Variants in PTBP2 observed in about 807,000 individuals in gnomAD.
PTBP2 encodes polypyrimidine tract binding protein 2.
Under a neutral mutation model 61.4 loss-of-function variants are expected in PTBP2, and 13 were observed. That is an observed-to-expected ratio of 0.21 (90% CI 0.14 to 0.34). The LOEUF is 0.34. PTBP2 is among the 10% of genes least tolerant of loss of function. PTBP2 has a pLI of 1.00. For missense variants in PTBP2, 405 were observed against 642.6 expected (o/e 0.63, Z 4.00); for synonymous variants, 215 against 218.5 (o/e 0.98, Z 0.14).
At chr1:96,815,385 A>G (rs1201598348), downstream of PTBP2, 1 of 152,178 alleles carries the variant, frequency 6.6e-6, no homozygotes, top group African/African-American at 2.4e-5. Flanking sequence ...GCATATCAGC[A>G]TATCTGCTTT....
At chr1:96,734,809 C>T (rs1351691670) in intron 2 of PTBP2, among the ~76,000 whole-genome samples, 1 of 150,248 alleles carries the variant, frequency 6.7e-6, no homozygotes, top group Non-Finnish European at 1.5e-5. Flanking sequence ...TCTGACTTTT[C>T]GTGTATGTCA....
At chr1:96,804,668 T>G in intron 8 of PTBP2, 132 bp from the exon 9 acceptor site, 1 of 843,614 alleles carries the variant, frequency 1.2e-6, no homozygotes, top group Non-Finnish European at 1.8e-6. Flanking sequence ...CTATAAAAAT[T>G]AACTTTCAGG....
intron 2 of PTBP2, among the ~76,000 whole-genome samples, chr1:96,743,237 A>C (rs1184369480): frequency 2.0e-5 from 3 of 151,232 alleles, no homozygotes; most frequent in Admixed American, 1.3e-4. Flanking sequence ...CAGTGGCGCC[A>C]CTGGACTCCA....
At chr1:96,739,690 G>C (rs79554282) in intron 2 of PTBP2, among the ~76,000 whole-genome samples, 1 of 142,738 alleles carries the variant, frequency 7.0e-6, no homozygotes, top group Non-Finnish European at 1.5e-5. Flanking sequence ...GCAGTGGCGC[G>C]ATCTCTGCTC....
chr1:96,768,467 C>T (rs1471159783), intron 3 of PTBP2, among the ~76,000 whole-genome samples: 2 of 151,862 alleles, frequency 1.3e-5, no homozygotes, highest in Non-Finnish European at 2.9e-5. Flanking sequence ...AAGTTTTATA[C>T]AAAATGGAGT....
intron 2 of PTBP2, among the ~76,000 whole-genome samples, chr1:96,742,758 T>C (rs1022603792): frequency 4.0e-5 from 6 of 151,476 alleles, no homozygotes. Context: ...TGGTATATAA[T>C]ACACTTTTTT....
At chr1:96,729,971 G>C (rs1318799889) in intron 2 of PTBP2, among the ~76,000 whole-genome samples, 1 of 151,886 alleles carries the variant, frequency 6.6e-6, no homozygotes, top group Non-Finnish European at 1.5e-5. Context: ...CTTGTGATCT[G>C]CCCGCCCTGC....
intron 2 of PTBP2, among the ~76,000 whole-genome samples, chr1:96,724,821 C>T (rs918466345): frequency 2.0e-5 from 3 of 151,922 alleles, no homozygotes; most frequent in East Asian, 3.9e-4. Flanking sequence ...CAAACCTGCA[C>T]GTTGTACTCA....
chr1:96,804,956 C>T lies in PTBP2; in HGVS notation c.1044+17C>T, dbSNP rs778095983. 4 of 1,536,710 alleles carry T rather than the reference C, an allele frequency of 2.6e-6. No homozygotes were observed. Among genetic ancestry groups the T allele is most frequent in the Non-Finnish European group, 3.5e-6 (4 of 1,136,518 alleles). On this transcript the variant is annotated intron_variant, in intron 9 of 13. Transcript: ENST00000674951. ...AATGAAGAGGTTAGTAAAATAATCTCTAATGTTTATTCTTTAACTCCATTT... is the reference window on the plus strand; with the variant it reads ...AATGAAGAGGTTAGTAAAATAATCTTTAATGTTTATTCTTTAACTCCATTT...
intron 8 of PTBP2, 26 bp from the exon 9 acceptor site, chr1:96,804,774 T>C (rs767972286): frequency 2.5e-6 from 4 of 1,580,880 alleles, no homozygotes; most frequent in Non-Finnish European, 3.4e-6. Flanking sequence ...TATGCTTTAT[T>C]TTAAAATTAG....
At chr1:96,794,389 G>C (rs1035305122) in intron 8 of PTBP2, among the ~76,000 whole-genome samples, 4 of 152,180 alleles carry the variant, frequency 2.6e-5, no homozygotes, top group Admixed American at 2.6e-4. Context: ...TACTTCTGTT[G>C]CTTCTGCATT....
chr1:96,747,088 C>T (rs1653942956), intron 2 of PTBP2, among the ~76,000 whole-genome samples: 1 of 151,636 alleles, frequency 6.6e-6, no homozygotes, highest in South Asian at 2.1e-4. Flanking sequence ...TTTCTCCCTC[C>T]CCCCACCACT....
At chr1:96,778,141 C>G (rs1487132503) in intron 7 of PTBP2, among the ~76,000 whole-genome samples, 195 bp downstream of exon 7, 1 of 148,414 alleles carries the variant, frequency 6.7e-6, no homozygotes, top group East Asian at 2.0e-4. Context: ...TTGTAGTTAA[C>G]CATGATGTGG....
In PTBP2 at chr1:96,769,714, G is replaced by C. The variant is rs1413648941; in HGVS notation, c.127G>C (p.Asp43His). 2.5e-6 allele frequency: 4 copies of C among 1,597,174 alleles called. No individual in the cohort carries two copies. The highest frequency in any genetic ancestry group is 1.3e-5 in the African/African-American group (1 of 74,086). Residue 43 changes from aspartate to histidine, a missense_variant, in exon 4 of 14, where the codon GAT becomes CAT. Physicochemically the swap from Asp to His is moderately conservative, Grantham distance 81 (BLOSUM62 -1). Transcript: ENST00000674951. ...SSMVVTANGN[D>H]SKKFKGEDKM... is the part of the protein sequence containing the mutation. ...TTAATGTCTTTCAGCCAATGGTAAT[G>C]ATAGTAAAAAATTTAAAGGAGAAGA...
At chr1:96,794,234 A>G (rs141091436) in intron 8 of PTBP2, among the ~76,000 whole-genome samples, 2 of 152,336 alleles carry the variant, frequency 1.3e-5, no homozygotes, top group Non-Finnish European at 2.9e-5. Flanking sequence ...AACAGCCTAA[A>G]TTCTATGGTA....
chr1:96,754,303 C>T (rs1312487013), intron 3 of PTBP2, among the ~76,000 whole-genome samples: 1 of 152,108 alleles, frequency 6.6e-6, no homozygotes, highest in Non-Finnish European at 1.5e-5. Context: ...TAAAAGGGCT[C>T]TCTCTTTTCC....
chr1:96,805,357 T>C (rs978477555), intron 9 of PTBP2, among the ~76,000 whole-genome samples: 1 of 152,186 alleles, frequency 6.6e-6, no homozygotes, highest in African/African-American at 2.4e-5. Context: ...TTAAATCTTA[T>C]TTTATGTGAA....
chr1:96,750,018 G>C (rs1031646361), intron 2 of PTBP2, among the ~76,000 whole-genome samples: 2 of 151,912 alleles, frequency 1.3e-5, no homozygotes, highest in African/African-American at 4.8e-5. Flanking sequence ...CCAATAATGT[G>C]TATCAGTGGT....
chr1:96,813,661 CTTTTTTTTTT>C lies in PTBP2; in HGVS notation c.*268_*277del, dbSNP rs66475516. Reference sequence around the variant, plus strand: ...TGTTTAAAATTTCAGTTTAATTTTGCTTTTTTTTTTTTTTTTTTTTTCCTTTCAACTTAGT... The same window carrying C: ...TGTTTAAAATTTCAGTTTAATTTTGCTTTTTTTTTTTCCTTTCAACTTAGT... On this transcript the variant is annotated 3_prime_UTR_variant, in exon 14 of 14. Coordinates refer to ENST00000674951, the MANE Select transcript of PTBP2 (RefSeq NM_021190.4). The C allele has an allele frequency of 2.3e-4, 28 of 122,308 alleles. 1 individual carries two copies. Among genetic ancestry groups the C allele is most frequent in the East Asian group, 5.7e-4 (3 of 5,242 alleles). The allele number at this position is 122,308 out of a possible 1,614,324, so 7.6% of individuals were successfully genotyped here. A position where few individuals can be genotyped will look rare whatever the true frequency, so the allele number is the denominator to read the frequency against.
Sources: allele counts gnomAD v4.1 joint callset (sites outside exome capture counted in the v4.1 genomes callset), GRCh38; gene constraint gnomAD v4.1.1; transcripts MANE v1.5; gene names NCBI Gene and HGNC (gene_info 2026-07-23, HGNC 2026-07-21).